SNRPC: variants seen among roughly 807,000 people sequenced by gnomAD.
SNRPC encodes the protein small nuclear ribonucleoprotein polypeptide C, also known as U1 small nuclear ribonucleoprotein C.
SNRPC carries 5 observed loss-of-function variants against 20.0 expected under a neutral mutation model. That is an observed-to-expected ratio of 0.25 (90% CI 0.13 to 0.53). SNRPC has a LOEUF of 0.53. Ranked by LOEUF, SNRPC falls within the 20% of genes least tolerant of loss-of-function variation. The pLI, the probability that SNRPC is intolerant of heterozygous loss-of-function variation, is 0.96. For missense variants in SNRPC, 112 were observed against 224.1 expected, an observed-to-expected ratio of 0.50 and a Z score of 3.19; for synonymous variants, 61 against 58.7, an observed-to-expected ratio of 1.04 and a Z score of -0.18.
intron 5 of SNRPC, among the ~76,000 whole-genome samples, chr6:34,772,778 C>G (rs146099260): frequency 6.6e-6 from 1 of 152,142 alleles, no homozygotes; most frequent in Non-Finnish European, 1.5e-5. Flanking sequence ...TCTGCCTGCC[C>G]TCCCCTCCCT....
rs780882808 is a variant in SNRPC at position 34,770,481 on chromosome 6, T to C, written c.355+86T>C. 9.2e-5 allele frequency: 77 copies of C among 839,646 alleles called. No individual in the cohort carries two copies. The Middle Eastern group carries it at 3.4e-3, about 37-fold the overall frequency. 52.0% of individuals were successfully genotyped at this position (839,646 alleles called of 1,614,324 possible). On this transcript the variant is annotated intron_variant, in intron 5 of 5. Transcript: ENST00000244520. ...GACACTTAATGGAAGGAAGTCAGTA[T>C]GTGTAGCCAAAGCTTGAAAATGGGG...
At chr6:34,767,680 G>T (rs543134565) in intron 3 of SNRPC, among the ~76,000 whole-genome samples, 34 of 152,262 alleles carry the variant, frequency 2.2e-4, no homozygotes, top group Admixed American at 3.9e-4. Context: ...CCATAGAAAT[G>T]CTAAGTAGAA....
chr6:34,773,723 G>A lies in SNRPC; in HGVS notation c.*153G>A. On this transcript the variant is annotated 3_prime_UTR_variant, in exon 6 of 6. Coordinates refer to ENST00000244520, the MANE Select transcript of SNRPC (RefSeq NM_003093.3). This position sits in a 1 kb window ranked among gnomAD's most constrained non-coding sequence, Gnocchi z 4.1. Reference sequence around the variant, plus strand: ...AGAATAGTTTTGGAGGGGAGAAGTGGGACAAAAAAGATGCAGTTTTCCTTT... The same window carrying A: ...AGAATAGTTTTGGAGGGGAGAAGTGAGACAAAAAAGATGCAGTTTTCCTTT... The A allele has an allele frequency of 1.9e-6, 1 of 532,680 alleles. No individual in the cohort carries two copies. The highest frequency in any genetic ancestry group is 3.1e-6 in the Non-Finnish European group (1 of 317,758). 33.0% of individuals were successfully genotyped at this position (532,680 alleles called of 1,614,324 possible). A position where few individuals can be genotyped will look rare whatever the true frequency, so the allele number is the denominator to read the frequency against.
chr6:34,768,029 G>T (rs748161738), intron 4 of SNRPC, 32 bp downstream of exon 4: 2 of 1,587,724 alleles, frequency 1.3e-6, no homozygotes, highest in Non-Finnish European at 8.6e-7. Flanking sequence ...TAAGGGGTGT[G>T]ACGGGGCAGG....
At chr6:34,763,255 C>T (rs1448992878) in intron 3 of SNRPC, among the ~76,000 whole-genome samples, 1 of 152,106 alleles carries the variant, frequency 6.6e-6, no homozygotes, top group Non-Finnish European at 1.5e-5. Flanking sequence ...CTTATTGGGT[C>T]CGGGACACTA....
intron 3 of SNRPC, among the ~76,000 whole-genome samples, chr6:34,763,076 G>C (rs1764558192): frequency 6.6e-6 from 1 of 152,116 alleles, no homozygotes; most frequent in African/African-American, 2.4e-5. Context: ...TGAGGAGTGG[G>C]TTTGTGGTTT....
intron 2 of SNRPC, among the ~76,000 whole-genome samples, chr6:34,758,926 A>G (rs1003501713): frequency 1.3e-5 from 2 of 148,156 alleles, no homozygotes; most frequent in African/African-American, 4.9e-5. Flanking sequence ...AGGCTGAGGC[A>G]GGAGAATGGC....
Position 34,773,402 on chromosome 6 carries a change from T to C in SNRPC, c.356-44T>C. 6.3e-7 allele frequency: 1 copy of C among 1,597,060 alleles called. No homozygotes were observed. Among genetic ancestry groups the C allele is most frequent in the East Asian group, 2.2e-5 (1 of 44,652 alleles). ...CCATCAAACTCTCCCTAAATCGTAT[T>C]TTCTGACTCCCTTTTTCTCCCTCTT... is the stretch of plus-strand genomic sequence containing the variant. On this transcript the variant is annotated intron_variant, in intron 5 of 5. Coordinates refer to ENST00000244520, the MANE Select transcript of SNRPC (RefSeq NM_003093.3). The surrounding 1 kb of genome is among the most constrained non-coding windows in gnomAD (Gnocchi z 4.1).
At chr6:34,762,256 A>G (rs1764547038) in intron 2 of SNRPC, among the ~76,000 whole-genome samples, 1 of 151,962 alleles carries the variant, frequency 6.6e-6, no homozygotes, top group Non-Finnish European at 1.5e-5. Context: ...GTGAGCCGAG[A>G]TCGTGCTATT....
chr6:34,757,665 G>A (rs1764471716), intron 1 of SNRPC, 114 bp downstream of exon 1: 10 of 1,391,292 alleles, frequency 7.2e-6, no homozygotes, highest in African/African-American at 1.4e-5. Context: ...GAGTATCTGG[G>A]CCGGGTGGAC....
chr6:34,762,531 CT>C (rs987175022), intron 2 of SNRPC, 63 bp from the exon 3 acceptor site: 1 of 860,354 alleles, frequency 1.2e-6, no homozygotes, highest in African/African-American at 1.7e-5. Context: ...AAAGGTAAAA[CT>C]TTATTAAATT....
Position 34,762,702 on chromosome 6 carries a change from A to G in SNRPC, c.159A>G (p.Thr53=), listed in dbSNP as rs755031885. Reference sequence around the variant, plus strand: ...AGGCTCAGAGCCTGATTGACAAAACAAGTATGTTTCAATCTCTTGTTCTGC... The same window carrying G: ...AGGCTCAGAGCCTGATTGACAAAACGAGTATGTTTCAATCTCTTGTTCTGC... The part of the protein sequence containing the change: ...EEQAQSLIDK[T]TAAFQQGKIP... Residue 53 remains threonine (T), a splice_region_variant and synonymous_variant, in exon 3 of 6, where the codon ACA becomes ACG. Transcript: ENST00000244520. The G allele has an allele frequency of 4.2e-5, 61 of 1,451,774 alleles. No homozygotes were observed. The highest frequency in any genetic ancestry group is 5.8e-5 in the Non-Finnish European group (60 of 1,032,756). 89.9% of individuals were successfully genotyped at this position (1,451,774 alleles called of 1,614,324 possible).
rs187264558 is a variant in SNRPC, at chr6:34,761,637, C to T, written c.52-958C>T. On this transcript the variant is annotated intron_variant, in intron 2 of 5. Transcript: ENST00000244520. ...CTGGGTTCACGCCATTCTCCTGCCT[C>T]AGCTTCCTGAGTAGCTAGGACTACA... Among the ~76,000 whole-genome samples, 236 of 149,926 alleles carry T rather than the reference C, an allele frequency of 1.6e-3. 2 individuals carry two copies. The highest frequency in any genetic ancestry group is 4.5e-3 in the South Asian group (21 of 4,716).
chr6:34,767,771 G>A (rs1017761429), intron 3 of SNRPC, 137 bp from the exon 4 acceptor site: 7 of 836,064 alleles, frequency 8.4e-6, no homozygotes, highest in Non-Finnish European at 1.0e-5. Context: ...GAACCATGAT[G>A]TAATAATTTT....
At chr6:34,762,315 AAGAT>A (rs542069882) in intron 2 of SNRPC, among the ~76,000 whole-genome samples, 201 of 152,164 alleles carry the variant, frequency 1.3e-3, no homozygotes, top group African/African-American at 4.1e-3. Flanking sequence ...AAAAAAAAAA[AAGAT>A]AGATAGAGAT....
chr6:34,773,739 G>A lies in SNRPC; in HGVS notation c.*169G>A, dbSNP rs1031004412. The A allele has an allele frequency of 8.2e-6, 4 of 487,696 alleles. No individual in the cohort carries two copies. The highest frequency in any genetic ancestry group is 3.5e-5 in the Admixed American group (1 of 28,722). 30.2% of individuals were successfully genotyped at this position (487,696 alleles called of 1,614,324 possible). A position where few individuals can be genotyped will look rare whatever the true frequency, so the allele number is the denominator to read the frequency against. On this transcript the variant is annotated 3_prime_UTR_variant, in exon 6 of 6. Coordinates refer to ENST00000244520, the MANE Select transcript of SNRPC (RefSeq NM_003093.3). The surrounding 1 kb of genome is among the most constrained non-coding windows in gnomAD (Gnocchi z 4.1). The stretch of plus-strand genomic sequence containing the variant: ...GGAGAAGTGGGACAAAAAAGATGCA[G>A]TTTTCCTTTGTATTGGGAAATGTGA...
At chr6:34,759,286 G>A (rs1437507004) in intron 2 of SNRPC, among the ~76,000 whole-genome samples, 1 of 152,162 alleles carries the variant, frequency 6.6e-6, no homozygotes, top group African/African-American at 2.4e-5. Context: ...AAATAAAAAT[G>A]GTGTTCCATC....
intron 5 of SNRPC, among the ~76,000 whole-genome samples, chr6:34,772,325 A>G (rs939049162): frequency 2.6e-5 from 4 of 152,344 alleles, no homozygotes; most frequent in Admixed American, 6.5e-5. Context: ...TAAATTCACT[A>G]TGGAGACTAA....
Position 34,773,753 on chromosome 6 carries a change from T to C in SNRPC, c.*183T>C, listed in dbSNP as rs1285538994. The C allele has an allele frequency of 2.1e-6, 1 of 472,270 alleles. No individual in the cohort carries two copies. Among genetic ancestry groups the C allele is most frequent in the East Asian group, 3.1e-5 (1 of 32,306 alleles). 29.3% of individuals were successfully genotyped at this position (472,270 alleles called of 1,614,324 possible). On this transcript the variant is annotated 3_prime_UTR_variant, in exon 6 of 6. Transcript: ENST00000244520. This position sits in a 1 kb window ranked among gnomAD's most constrained non-coding sequence, Gnocchi z 4.1. ...AAAAAGATGCAGTTTTCCTTTGTAT[T>C]GGGAAATGTGAAAATAAAATTGTCA... is the stretch of plus-strand genomic sequence containing the variant.
Sources: gnomAD v4.1 joint callset for allele counts (sites outside exome capture counted in the v4.1 genomes callset) on GRCh38, gnomAD v4.1.1 for gene constraint, Gnocchi (gnomAD v3.1) non-coding constraint, MANE v1.5 for transcripts, NCBI Gene and HGNC (gene_info 2026-07-23, HGNC 2026-07-21) for gene names.